Variants in VGLL4 observed in about 807,000 individuals in gnomAD.
VGLL4 encodes the protein vestigial like family member 4.
In VGLL4, 7 loss-of-function variants were observed where a neutral mutation model predicts 21.0. The observed-to-expected ratio is 0.33, with a 90% CI of 0.19 to 0.63. The LOEUF (loss-of-function observed/expected upper bound fraction) is 0.63, where lower values mean the gene tolerates loss of function less well. VGLL4 is among the 20% of genes least tolerant of loss of function. VGLL4 has a pLI of 0.78. For missense variants in VGLL4, 394 were observed against 425.7 expected, an observed-to-expected ratio of 0.93 and a Z score of 0.66; for synonymous variants, 222 against 173.2, an observed-to-expected ratio of 1.28 and a Z score of -2.21.
rs1361381077 is a variant in VGLL4 at position 11,565,421 on chromosome 3, C to T, written c.273-402G>A. ...ATCCAGAGTCACTGGCTGCGTCCTA[C>T]ATGCAGGGCCCTATTCAAAGCCTCC... On this transcript the variant is annotated intron_variant, in intron 2 of 4. Coordinates refer to ENST00000430365, the MANE Select transcript of VGLL4 (RefSeq NM_001128219.3). This position sits in a 1 kb window ranked among gnomAD's most constrained non-coding sequence, Gnocchi z 4.1. 6.6e-6 allele frequency among the ~76,000 whole-genome samples: 1 copy of T among 152,146 alleles called. No individual in the cohort carries two copies. Among genetic ancestry groups the T allele is most frequent in the African/African-American group, 2.4e-5 (1 of 41,452 alleles).
chr3:11,633,975 C>G (rs2447611), intron 1 of VGLL4, among the ~76,000 whole-genome samples: 116,501 of 151,990 alleles, frequency 0.77, 44,958 homozygotes, highest in Admixed American at 0.79. Context: ...TAGCAATTAA[C>G]AGGAAAATTA....
intron 3 of VGLL4, among the ~76,000 whole-genome samples, chr3:11,563,446 AG>A (rs2073208936): frequency 6.6e-6 from 1 of 152,180 alleles, no homozygotes; most frequent in African/African-American, 2.4e-5. Context: ...CCTCTGTTCC[AG>A]CCCCTGCTGC....
At chr3:11,676,724 T>C (rs2076297329) in intron 2 of VGLL4, among the ~76,000 whole-genome samples, 1 of 151,984 alleles carries the variant, frequency 6.6e-6, no homozygotes, top group African/African-American at 2.4e-5. Flanking sequence ...TCAGCAATCT[T>C]CCTAGAATTA....
Position 11,556,726 on chromosome 3 carries a change from C to A in VGLL4, c.*1830G>T, listed in dbSNP as rs1239675893. On this transcript the variant is annotated 3_prime_UTR_variant, in exon 5 of 5. Transcript: ENST00000430365. ...TTCTTCAAAAAATACCTACAAATTT[C>A]TCTGTACATTCTTTACGCACAGCGT... 6.5e-6 allele frequency: 1 copy of A among 152,710 alleles called. No homozygotes were observed. The highest frequency in any genetic ancestry group is 2.4e-5 in the African/African-American group (1 of 41,418). The allele number at this position is 152,710 out of a possible 1,614,324, so 9.5% of individuals were successfully genotyped here.
At chr3:11,562,055 G>A (rs539436846) in intron 3 of VGLL4, among the ~76,000 whole-genome samples, 2 of 151,888 alleles carry the variant, frequency 1.3e-5, no homozygotes, top group Non-Finnish European at 2.9e-5. Flanking sequence ...CCACCACCAC[G>A]CCTGGCTAAT....
chr3:11,636,497 G>A (rs557751494), intron 1 of VGLL4, among the ~76,000 whole-genome samples: 43 of 152,264 alleles, frequency 2.8e-4, no homozygotes, highest in African/African-American at 9.6e-4. Flanking sequence ...ATACAATATA[G>A]GGTATTGTTT....
chr3:11,703,578 C>A (rs557118380), intron 1 of VGLL4, among the ~76,000 whole-genome samples: 1 of 152,132 alleles, frequency 6.6e-6, no homozygotes, highest in Non-Finnish European at 1.5e-5. Flanking sequence ...ATAATCACCA[C>A]CTATCATCAA....
At chr3:11,647,889 A>G (rs1166345067), upstream of VGLL4, among the ~76,000 whole-genome samples, 1 of 152,090 alleles carries the variant, frequency 6.6e-6, no homozygotes, top group Non-Finnish European at 1.5e-5. Context: ...ACTCGATGTC[A>G]TTAGGTGGCT....
At chr3:11,597,899 G>C (rs913579233) in intron 2 of VGLL4, among the ~76,000 whole-genome samples, 5 of 152,082 alleles carry the variant, frequency 3.3e-5, no homozygotes, top group Admixed American at 6.5e-5. Flanking sequence ...AATACACCAG[G>C]TCCTAAGAGG....
At chr3:11,700,052 A>G (rs983491737) in intron 2 of VGLL4, among the ~76,000 whole-genome samples, 1 of 152,000 alleles carries the variant, frequency 6.6e-6, no homozygotes, top group Admixed American at 6.6e-5. Flanking sequence ...GCTTGTCCCC[A>G]CTTCTATACA....
chr3:11,687,764 C>T (rs1014403165), intron 2 of VGLL4, among the ~76,000 whole-genome samples: 1 of 152,146 alleles, frequency 6.6e-6, no homozygotes, highest in African/African-American at 2.4e-5. Flanking sequence ...TTCTGGTAGG[C>T]TATTATGACA....
intron 2 of VGLL4, among the ~76,000 whole-genome samples, chr3:11,702,003 C>T (rs555774419): frequency 5.9e-5 from 9 of 152,188 alleles, no homozygotes; most frequent in Admixed American, 5.9e-4. Flanking sequence ...GTTCCTTTCA[C>T]CCATCCCTCA....
chr3:11,703,670 C>T (rs1048904014), intron 1 of VGLL4, among the ~76,000 whole-genome samples: 1 of 152,108 alleles, frequency 6.6e-6, no homozygotes, highest in Admixed American at 6.5e-5. Context: ...AAAGCTAAAA[C>T]AGCAAAAGAT....
chr3:11,662,992 A>T (rs1156794064), intron 2 of VGLL4, among the ~76,000 whole-genome samples: 1 of 152,234 alleles, frequency 6.6e-6, no homozygotes, highest in Non-Finnish European at 1.5e-5. Context: ...GGAAATATAA[A>T]GGAAAGATTA....
intron 2 of VGLL4, among the ~76,000 whole-genome samples, chr3:11,600,679 C>T (rs1434701480): frequency 6.6e-6 from 1 of 152,152 alleles, no homozygotes; most frequent in African/African-American, 2.4e-5. Flanking sequence ...GAGCGGAATG[C>T]GAGGACGCTG....
At chr3:11,666,499 C>T (rs2076129354) in intron 2 of VGLL4, among the ~76,000 whole-genome samples, 1 of 152,170 alleles carries the variant, frequency 6.6e-6, no homozygotes, top group African/African-American at 2.4e-5. Flanking sequence ...AACGGGAAAG[C>T]AGCTATCTGT....
intron 2 of VGLL4, among the ~76,000 whole-genome samples, chr3:11,674,328 G>A (rs905877484): frequency 6.6e-6 from 1 of 152,170 alleles, no homozygotes; most frequent in Non-Finnish European, 1.5e-5. Flanking sequence ...AACGCGAAGA[G>A]GGATCCCAGC....
chr3:11,632,506 A>C (rs76328582), intron 1 of VGLL4, among the ~76,000 whole-genome samples: 2,119 of 152,284 alleles, frequency 0.014, 23 homozygotes, highest in Middle Eastern at 0.041. Flanking sequence ...CATAGTTAAC[A>C]GATCAAGGAA....
intron 1 of VGLL4, among the ~76,000 whole-genome samples, chr3:11,638,859 T>C (rs2075636398): frequency 6.6e-6 from 1 of 152,104 alleles, no homozygotes; most frequent in African/African-American, 2.4e-5. Flanking sequence ...GATCACAGGG[T>C]CTCACTGAAC....
Sources: gnomAD v4.1 joint callset for allele counts (sites outside exome capture counted in the v4.1 genomes callset) on GRCh38, gnomAD v4.1.1 for gene constraint, Gnocchi (gnomAD v3.1) non-coding constraint, MANE v1.5 for transcripts, NCBI Gene and HGNC (gene_info 2026-07-23, HGNC 2026-07-21) for gene names.